Variants in NAV3 observed in about 807,000 individuals in gnomAD.
NAV3 encodes neuron navigator 3.
A neutral mutation model predicts 244.7 loss-of-function variants in NAV3; 87 were observed. The observed-to-expected ratio is 0.36, with a 90% confidence interval of 0.30 to 0.42. The LOEUF (loss-of-function observed/expected upper bound fraction) is 0.42. NAV3 is among the 20% of genes least tolerant of loss of function. NAV3 has a pLI of 1.00. For missense variants in NAV3, 2,663 were observed against 2,893.3 expected (o/e 0.92, Z 1.83); for synonymous variants, 1,126 against 1,042.2 (o/e 1.08, Z -1.55).
rs868712945 is a variant in NAV3, at chr12:77,614,101, T to A, written c.72+41835T>A. On this transcript the variant is annotated intron_variant, in intron 2 of 8. Transcript: ENST00000550042. ...TTTTTTTTTTTTTTTTTTTTTTTTT[T>A]AACACAGGGTCTCCCTCCTTCACCC... Among the ~76,000 whole-genome samples, 720 of 109,380 alleles carry A rather than the reference T, an allele frequency of 6.6e-3. 5 individuals carry two copies. The highest frequency in any genetic ancestry group is 0.024 in the African/African-American group (683 of 27,972). 71.8% of individuals were successfully genotyped at this position (109,380 alleles called of 152,430 possible). A position where few individuals can be genotyped will look rare whatever the true frequency, so the allele number is the denominator to read the frequency against.
At chr12:78,200,967 C>T (rs374242791) in intron 38 of NAV3, among the ~76,000 whole-genome samples, 21 of 151,290 alleles carry the variant, frequency 1.4e-4, no homozygotes, top group Non-Finnish European at 2.8e-4. Flanking sequence ...TTATCTTTTT[C>T]TTCTTTTCTT....
At chr12:77,834,263 T>G (rs1174826036) in intron 1 of NAV3, among the ~76,000 whole-genome samples, 1 of 152,188 alleles carries the variant, frequency 6.6e-6, no homozygotes, top group African/African-American at 2.4e-5. Context: ...CTGTATCAAT[T>G]TTATGTATAA....
At chr12:77,881,384 A>G (rs1363136853) in intron 1 of NAV3, among the ~76,000 whole-genome samples, 3 of 152,218 alleles carry the variant, frequency 2.0e-5, no homozygotes, top group East Asian at 1.9e-4. Context: ...CTTGAACTGT[A>G]TATCAGGATC....
chr12:77,613,045 CTG>C (rs1312003257), intron 2 of NAV3, among the ~76,000 whole-genome samples: 4 of 152,146 alleles, frequency 2.6e-5, no homozygotes. Context: ...CCATGCTGAA[CTG>C]TGAGTCAATT....
Position 78,025,975 on chromosome 12 carries a change from C to T in NAV3, c.2023+4113C>T, listed in dbSNP as rs142508740. On this transcript the variant is annotated intron_variant, in intron 9 of 39. Transcript: ENST00000397909. ...AAATCACCCAGATAATCCTTTATAG[C>T]GTCACAAATGGACTAAGATACTTGA... Among the ~76,000 whole-genome samples the T allele has an allele frequency of 1.8e-4, 27 of 152,256 alleles. No homozygotes were observed. The East Asian group carries it at 2.5e-3, about 14-fold the overall frequency.
intron 2 of NAV3, among the ~76,000 whole-genome samples, chr12:77,604,923 G>A (rs1311292554): frequency 1.3e-5 from 2 of 152,034 alleles, no homozygotes; most frequent in South Asian, 2.1e-4. Context: ...AAAACAAATG[G>A]AACACTGCAA....
At chr12:78,145,726 C>A (rs572953650) in intron 20 of NAV3, among the ~76,000 whole-genome samples, 25 of 152,260 alleles carry the variant, frequency 1.6e-4, no homozygotes, top group Admixed American at 1.6e-3. Context: ...AAATGTTTGC[C>A]AGACACTTTT....
chr12:77,632,367 C>T (rs1020436331), intron 2 of NAV3, among the ~76,000 whole-genome samples: 26 of 152,160 alleles, frequency 1.7e-4, no homozygotes, highest in Non-Finnish European at 2.9e-4. Context: ...CAGAGTTCCA[C>T]GTGGCTGGGA....
upstream of NAV3, among the ~76,000 whole-genome samples, chr12:77,826,068 T>C (rs1872982922): frequency 6.6e-6 from 1 of 152,144 alleles, no homozygotes; most frequent in Non-Finnish European, 1.5e-5. Flanking sequence ...CTCTCATACA[T>C]TGCTAGTGGG....
At chr12:77,851,856 A>G (rs879881110) in intron 1 of NAV3, among the ~76,000 whole-genome samples, 2 of 152,212 alleles carry the variant, frequency 1.3e-5, no homozygotes, top group Non-Finnish European at 2.9e-5. Flanking sequence ...ATTTATTAAT[A>G]TTAAGTAGTA....
intron 2 of NAV3, among the ~76,000 whole-genome samples, chr12:77,733,795 C>T (rs116244954): frequency 2.2e-3 from 320 of 147,916 alleles, no homozygotes; most frequent in African/African-American, 7.7e-3. Context: ...GGCCACTCAA[C>T]TGTTTGATAA....
In NAV3 at chr12:77,975,571, T is replaced by A. The variant is rs546612284; in HGVS notation, c.671+6869T>A. 2.0e-5 allele frequency among the ~76,000 whole-genome samples: 3 copies of A among 152,314 alleles called. No homozygotes were observed. The South Asian group carries it at 6.2e-4, about 32-fold the overall frequency. On this transcript the variant is annotated intron_variant, in intron 5 of 39. Transcript: ENST00000397909. ...ACTAAACAAAGAAAATGACAGAATG[T>A]TGTCGGTGAATATCTCAGGGCAGTG... is the stretch of plus-strand genomic sequence containing the variant.
chr12:78,043,306 C>T (rs1881202233), intron 9 of NAV3, among the ~76,000 whole-genome samples: 2 of 152,028 alleles, frequency 1.3e-5, no homozygotes, highest in Admixed American at 1.3e-4. Flanking sequence ...GTATATGTGC[C>T]ACATTTTCTT....
chr12:77,587,876 G>A (rs1489742058), intron 2 of NAV3, among the ~76,000 whole-genome samples: 1 of 152,106 alleles, frequency 6.6e-6, no homozygotes, highest in East Asian at 1.9e-4. Context: ...GAGGAATCTG[G>A]GGCCCAGAGT....
At chr12:77,850,245 C>T (rs967048023) in intron 1 of NAV3, among the ~76,000 whole-genome samples, 1 of 152,172 alleles carries the variant, frequency 6.6e-6, no homozygotes, top group Admixed American at 6.5e-5. Flanking sequence ...CAGAACGTAA[C>T]TAGTGAAATT....
chr12:77,812,737 A>G (rs1054583831), intron 2 of NAV3, among the ~76,000 whole-genome samples: 1 of 152,020 alleles, frequency 6.6e-6, no homozygotes, highest in African/African-American at 2.4e-5. Context: ...CAGGAATTTA[A>G]TTTCTAATGT....
chr12:77,628,803 A>T (rs528930085), intron 2 of NAV3, among the ~76,000 whole-genome samples: 1 of 151,630 alleles, frequency 6.6e-6, no homozygotes, highest in East Asian at 1.9e-4. Context: ...AGATGGGAGA[A>T]TCCCCTGAGC....
intron 5 of NAV3, among the ~76,000 whole-genome samples, chr12:77,981,093 CTAAAAAGAAACACATGTGGA>C (rs1565984083): frequency 2.0e-5 from 3 of 152,252 alleles, no homozygotes; most frequent in Non-Finnish European, 4.4e-5. Flanking sequence ...CACCCGGTTA[CTAAAAAGAAACACATGTGGA>C]TAAAAGCTGT....
chr12:78,169,620 C>G (rs1433135342), intron 24 of NAV3, among the ~76,000 whole-genome samples: 1 of 151,662 alleles, frequency 6.6e-6, no homozygotes, highest in Non-Finnish European at 1.5e-5. Flanking sequence ...GCCTTATTAT[C>G]TCTCTTTTCA....
Sources: allele counts gnomAD v4.1 joint callset (sites outside exome capture counted in the v4.1 genomes callset), GRCh38; gene constraint gnomAD v4.1.1; transcripts MANE v1.5; gene names NCBI Gene and HGNC (gene_info 2026-07-23, HGNC 2026-07-21).